Variants in CSNK2A1 observed in about 807,000 individuals in gnomAD.
CSNK2A1 encodes the protein casein kinase II subunit alpha.
Under a neutral mutation model 62.9 loss-of-function variants are expected in CSNK2A1, and 10 were observed. The ratio of observed to expected loss-of-function variants is 0.16; its 90% CI spans 0.10 to 0.27. The LOEUF is 0.27. Among genes scored for constraint, CSNK2A1 ranks in the 10% least tolerant of loss-of-function variants. The pLI is 1.00. For synonymous variants in CSNK2A1, 124 were observed against 167.8 expected (o/e 0.74, Z 2.02); for missense variants, 160 against 492.0 (o/e 0.33, Z 6.38).
At chr20:536,799 G>C (rs2019340175) in intron 1 of CSNK2A1, among the ~76,000 whole-genome samples, 1 of 152,204 alleles carries the variant, frequency 6.6e-6, no homozygotes, top group East Asian at 1.9e-4. Flanking sequence ...TCAATTTTGA[G>C]CTTGGAGGGC....
rs1308081048 is a variant in CSNK2A1 at position 476,444 on chromosome 20, G to C, written c.*7517C>G. Reference sequence around the variant, plus strand: ...CAGCTAATTTTTGTATTTTTTAGTAGAAACAGGGTGTCACCATGTTGTTCA... The same window carrying C: ...CAGCTAATTTTTGTATTTTTTAGTACAAACAGGGTGTCACCATGTTGTTCA... On this transcript the variant is annotated 3_prime_UTR_variant, in exon 14 of 14. Coordinates refer to ENST00000217244, the MANE Select transcript of CSNK2A1 (RefSeq NM_177559.3). The C allele has an allele frequency of 6.6e-6, 1 of 151,274 alleles. No individual in the cohort carries two copies. Among genetic ancestry groups the C allele is most frequent in the Non-Finnish European group, 1.5e-5 (1 of 67,862 alleles). The allele number at this position is 151,274 out of a possible 1,614,324, so 9.4% of individuals were successfully genotyped here. A position where few individuals can be genotyped will look rare whatever the true frequency, so the allele number is the denominator to read the frequency against.
intron 1 of CSNK2A1, chr20:543,122 TC>T (rs960276609): frequency 2.0e-5 from 3 of 152,294 alleles, no homozygotes; most frequent in Admixed American, 2.0e-4. Context: ...CACGTCTTGG[TC>T]CCTTCCCCCT....
At chr20:539,903 T>C (rs2019411821) in intron 1 of CSNK2A1, 1 of 152,196 alleles carries the variant, frequency 6.6e-6, no homozygotes, top group African/African-American at 2.4e-5. Context: ...CATACCACTG[T>C]GAGACATGTA....
intron 2 of CSNK2A1, among the ~76,000 whole-genome samples, chr20:512,302 G>GT (rs1662846661): frequency 6.6e-6 from 1 of 151,222 alleles, no homozygotes; most frequent in Non-Finnish European, 1.5e-5. Context: ...GATTAATGAT[G>GT]TTGAGCATCT....
chr20:487,094 A>G (rs1411536004), intron 12 of CSNK2A1: 2 of 275,678 alleles, frequency 7.3e-6, no homozygotes, highest in African/African-American at 2.2e-5. Context: ...TGTAAGCCTC[A>G]TTAGCTCTTT....
intron 1 of CSNK2A1, among the ~76,000 whole-genome samples, chr20:533,329 C>T (rs1173671708): frequency 6.6e-6 from 1 of 152,224 alleles, no homozygotes; most frequent in Admixed American, 6.5e-5. Flanking sequence ...GAAGTTACTG[C>T]TTGTGTAAAC....
rs765562031 is a variant in CSNK2A1 at position 484,044 on chromosome 20, C to G, written c.1093G>C (p.Gly365Arg). ...ISSVPTPSPL[G>R]PLAGSPVIAA... ...ATCACTGGTGAGCCTGCCAGAGGTC[C>G]AAGGGGTGAAGGGGTTGGCACTGAA... Residue 365 changes from glycine to arginine, a missense_variant, in exon 14 of 14, where the codon GGA becomes CGA. By Grantham distance (125) the Gly-to-Arg change is moderately radical. Around this residue, in one of 3 missense-constraint regions of CSNK2A1, gnomAD observed 51 missense variants for 108.8 expected, o/e 0.47. Coordinates refer to ENST00000217244, the MANE Select transcript of CSNK2A1 (RefSeq NM_177559.3). 6.2e-7 allele frequency: 1 copy of G among 1,611,256 alleles called. No individual in the cohort carries two copies. The highest frequency in any genetic ancestry group is 8.5e-7 in the Non-Finnish European group (1 of 1,178,786).
At chr20:527,289 GA>G (rs1433765608) in intron 2 of CSNK2A1, among the ~76,000 whole-genome samples, 2 of 152,068 alleles carry the variant, frequency 1.3e-5, no homozygotes, top group African/African-American at 4.8e-5. Flanking sequence ...AACAAAAACT[GA>G]CACAAAAAAT....
chr20:486,288 G>A (rs2018096120), intron 13 of CSNK2A1, 88 bp downstream of exon 13: 19 of 1,484,826 alleles, frequency 1.3e-5, no homozygotes, highest in Non-Finnish European at 1.7e-5. Flanking sequence ...GTACGGAGAA[G>A]AGAAGGTATA....
At chr20:515,927 CCT>C (rs1282688002) in intron 2 of CSNK2A1, among the ~76,000 whole-genome samples, 1 of 152,102 alleles carries the variant, frequency 6.6e-6, no homozygotes, top group African/African-American at 2.4e-5. Flanking sequence ...TGTTCCCTTC[CCT>C]CTCTCTCTTT....
chr20:531,962 T>C (rs2019221435), intron 1 of CSNK2A1, among the ~76,000 whole-genome samples: 1 of 152,224 alleles, frequency 6.6e-6, no homozygotes, highest in Non-Finnish European at 1.5e-5. Flanking sequence ...CCTTAAATTG[T>C]TCACAGTCTT....
chr20:489,072 C>T, intron 10 of CSNK2A1: 1 of 296,008 alleles, frequency 3.4e-6, no homozygotes, highest in Non-Finnish European at 6.3e-6. Flanking sequence ...TCAAACTACT[C>T]ACCACTACTG....
At position 478,765 on chromosome 20, in the gene CSNK2A1, CAA is replaced by C. The variant is rs750062577; in HGVS notation, c.*5194_*5195del. 5,170 of 173,238 alleles carry C rather than the reference CAA, an allele frequency of 0.03. No homozygotes were observed. The highest frequency in any genetic ancestry group is 0.07 in the South Asian group (1,452 of 20,732). The allele number at this position is 173,238 out of a possible 1,614,324, so 10.7% of individuals were successfully genotyped here. The stretch of plus-strand genomic sequence containing the variant: ...CAACACGGCAAAACTTCATCTCTAC[CAA>C]AAAAAAAAAAAAAAAAATTAGCCAA... On this transcript the variant is annotated 3_prime_UTR_variant, in exon 14 of 14. Transcript: ENST00000217244.
chr20:541,975 T>C (rs1038405381), intron 1 of CSNK2A1, among the ~76,000 whole-genome samples: 1 of 152,216 alleles, frequency 6.6e-6, no homozygotes, highest in East Asian at 1.9e-4. Context: ...GTATTGGTAC[T>C]GGACTTTCAG....
Position 481,696 on chromosome 20 carries a change from G to T in CSNK2A1, c.*2265C>A, listed in dbSNP as rs1215776367. ...TCTGCAGCTCTCCGCATCAGCCTAA[G>T]CTACACCTCAATTTCCGAGCTACAA... On this transcript the variant is annotated 3_prime_UTR_variant, in exon 14 of 14. Coordinates refer to ENST00000217244, the MANE Select transcript of CSNK2A1 (RefSeq NM_177559.3). The T allele has an allele frequency of 6.6e-6, 1 of 152,098 alleles. No individual in the cohort carries two copies. The highest frequency in any genetic ancestry group is 2.1e-4 in the South Asian group (1 of 4,830). 9.4% of individuals were successfully genotyped at this position (152,098 alleles called of 1,614,324 possible). A position where few individuals can be genotyped will look rare whatever the true frequency, so the allele number is the denominator to read the frequency against.
intron 8 of CSNK2A1, 72 bp from the exon 9 acceptor site, chr20:492,436 T>C (rs2018255703): frequency 1.3e-5 from 18 of 1,432,126 alleles, no homozygotes; most frequent in Middle Eastern, 1.7e-4. Context: ...AGCATACTCT[T>C]GATAAAATAT....
chr20:517,671 T>C lies in CSNK2A1; in HGVS notation c.-109-9011A>G, dbSNP rs183460077. Among the ~76,000 whole-genome samples the C allele has an allele frequency of 2.4e-3, 358 of 152,060 alleles. 1 individual carries two copies. The highest frequency in any genetic ancestry group is 5.1e-3 in the Admixed American group (78 of 15,282). The stretch of plus-strand genomic sequence containing the variant: ...AGATGGAAAACATTAAAACAAGAAA[T>C]TGCAAAGCGTAACACTTTAAAGCAA... On this transcript the variant is annotated intron_variant, in intron 2 of 13. Transcript: ENST00000217244.
At chr20:487,881 C>T (rs979971552) in intron 11 of CSNK2A1, 2 of 404,658 alleles carry the variant, frequency 4.9e-6, no homozygotes, top group Admixed American at 7.5e-5. Context: ...CTGAGCTCAC[C>T]AGGCCTATTT....
chr20:485,517 T>G (rs972373568), intron 13 of CSNK2A1, among the ~76,000 whole-genome samples: 1 of 152,168 alleles, frequency 6.6e-6, no homozygotes, highest in African/African-American at 2.4e-5. Context: ...CATTATTATA[T>G]TGGAGTTGGA....
Sources: gnomAD v4.1 joint callset for allele counts (sites outside exome capture counted in the v4.1 genomes callset) on GRCh38, gnomAD v4.1.1 for gene constraint, gnomAD v4.1.1 regional missense constraint, MANE v1.5 for transcripts, NCBI Gene and HGNC (gene_info 2026-07-23, HGNC 2026-07-21) for gene names.